Variants in RAB21 observed in about 807,000 individuals in gnomAD.
RAB21 encodes RAB21, member RAS oncogene family.
In RAB21, 13 loss-of-function variants were observed where a neutral mutation model predicts 33.1. That is an observed-to-expected ratio of 0.39 (90% CI 0.26 to 0.62). The LOEUF (loss-of-function observed/expected upper bound fraction) is 0.62, where lower values mean the gene tolerates loss of function less well. Ranked by LOEUF, RAB21 falls within the 20% of genes least tolerant of loss-of-function variation. RAB21 has a pLI of 0.48. For missense variants in RAB21, 234 were observed against 279.1 expected (o/e 0.84, Z 1.15); for synonymous variants, 91 against 103.7 (o/e 0.88, Z 0.74).
At chr12:71,761,768 A>G (rs2137640098) in intron 1 of RAB21, among the ~76,000 whole-genome samples, 1 of 152,224 alleles carries the variant, frequency 6.6e-6, no homozygotes, top group South Asian at 2.1e-4. Context: ...AAGAAAATTT[A>G]TTTTATTTTA....
At chr12:71,785,257 T>A (rs557668185) in intron 6 of RAB21, among the ~76,000 whole-genome samples, 24 of 152,314 alleles carry the variant, frequency 1.6e-4, no homozygotes, top group Admixed American at 1.6e-3. Context: ...ACGCAGGCAA[T>A]TGTTCAGAGC....
chr12:71,776,588 T>C (rs1237202221), intron 4 of RAB21, among the ~76,000 whole-genome samples: 1 of 152,056 alleles, frequency 6.6e-6, no homozygotes, highest in Non-Finnish European at 1.5e-5. Flanking sequence ...GTGTGAAGTA[T>C]AGAAAGCTCT....
chr12:71,775,220 C>G (rs1001355429), intron 4 of RAB21, among the ~76,000 whole-genome samples: 3 of 152,204 alleles, frequency 2.0e-5, no homozygotes, highest in Non-Finnish European at 2.9e-5. Flanking sequence ...TGTGTACTCA[C>G]AGACATTATC....
intron 6 of RAB21, among the ~76,000 whole-genome samples, chr12:71,782,864 G>A (rs1229579380): frequency 2.6e-5 from 4 of 151,694 alleles, no homozygotes; most frequent in Non-Finnish European, 5.9e-5. Flanking sequence ...GTAATTAATG[G>A]TTATGAAATC....
At chr12:71,777,373 G>T (rs1340047854) in intron 4 of RAB21, among the ~76,000 whole-genome samples, 1 of 151,934 alleles carries the variant, frequency 6.6e-6, no homozygotes, top group East Asian at 1.9e-4. Flanking sequence ...GTATATAGTT[G>T]TTCATTTTAT....
intron 4 of RAB21, among the ~76,000 whole-genome samples, chr12:71,776,491 G>A (rs1006227332): frequency 5.3e-5 from 8 of 152,000 alleles, no homozygotes; most frequent in South Asian, 2.1e-4. Context: ...ATTATAAGAC[G>A]TTTTAGGAAT....
intron 1 of RAB21, among the ~76,000 whole-genome samples, chr12:71,766,689 G>A (rs993040878): frequency 6.6e-6 from 1 of 152,076 alleles, no homozygotes; most frequent in Non-Finnish European, 1.5e-5. Context: ...AAATTTGTGT[G>A]CATTGCGTGC....
In RAB21 at chr12:71,792,867, C is replaced by G. The variant is rs1274822697; in HGVS notation, c.*7194C>G. On this transcript the variant is annotated 3_prime_UTR_variant, in exon 7 of 7. Coordinates refer to ENST00000261263, the MANE Select transcript of RAB21 (RefSeq NM_014999.4). ...ATAAGGTCACCTGTGCACACATGTT[C>G]ACATTCTGTGTTTGATCAGATATGT... 5 of 152,162 alleles carry G rather than the reference C, an allele frequency of 3.3e-5. No individual in the cohort carries two copies. The highest frequency in any genetic ancestry group is 1.3e-4 in the Admixed American group (2 of 15,272). 9.4% of individuals were successfully genotyped at this position (152,162 alleles called of 1,614,324 possible).
At chr12:71,770,928 ATAAT>A (rs1401487691) in intron 3 of RAB21, among the ~76,000 whole-genome samples, 4 of 152,222 alleles carry the variant, frequency 2.6e-5, no homozygotes, top group Admixed American at 1.3e-4. Flanking sequence ...TTACGTTAGA[ATAAT>A]TAATGCCTTA....
rs1592656272 is a variant in RAB21, at chr12:71,798,503, T to C, written c.*12830T>C. Reference sequence around the variant, plus strand: ...AAATATTTTCAAATCATATCATGCATTGCTTAATTTATAAAGAACACCTAG... The same window carrying C: ...AAATATTTTCAAATCATATCATGCACTGCTTAATTTATAAAGAACACCTAG... On this transcript the variant is annotated 3_prime_UTR_variant, in exon 7 of 7. Coordinates refer to ENST00000261263, the MANE Select transcript of RAB21 (RefSeq NM_014999.4). The C allele has an allele frequency of 6.6e-6, 1 of 152,228 alleles. No individual in the cohort carries two copies. The highest frequency in any genetic ancestry group is 1.9e-4 in the East Asian group (1 of 5,188). The allele number at this position is 152,228 out of a possible 1,614,324, so 9.4% of individuals were successfully genotyped here.
At chr12:71,764,642 A>G (rs946515879) in intron 1 of RAB21, among the ~76,000 whole-genome samples, 13 of 152,206 alleles carry the variant, frequency 8.5e-5, no homozygotes, top group African/African-American at 3.1e-4. Context: ...AAATTCCATT[A>G]TATCATTTCT....
intron 1 of RAB21, among the ~76,000 whole-genome samples, chr12:71,767,985 T>C (rs527297956): frequency 4.9e-4 from 74 of 152,308 alleles, no homozygotes; most frequent in Non-Finnish European, 9.0e-4. Context: ...TGCTCCAAAG[T>C]TCATATTCTT....
rs1883461918 is a variant in RAB21, at chr12:71,796,087, G to A, written c.*10414G>A. 1 of 137,322 alleles carries A rather than the reference G, an allele frequency of 7.3e-6. No homozygotes were observed. Among genetic ancestry groups the A allele is most frequent in the Admixed American group, 7.5e-5 (1 of 13,364 alleles). The allele number at this position is 137,322 out of a possible 1,614,324, so 8.5% of individuals were successfully genotyped here. A position where few individuals can be genotyped will look rare whatever the true frequency, so the allele number is the denominator to read the frequency against. The stretch of plus-strand genomic sequence containing the variant: ...GCAAATGCCTGATGGGGCACTCTGA[G>A]AATTAAACAGGAAATGGACAGGAAA... On this transcript the variant is annotated 3_prime_UTR_variant, in exon 7 of 7. Coordinates refer to ENST00000261263, the MANE Select transcript of RAB21 (RefSeq NM_014999.4).
At position 71,774,013 on chromosome 12, in the gene RAB21, T is replaced by G; in HGVS notation, c.382T>G (p.Cys128Gly). The G allele has an allele frequency of 1.3e-6, 2 of 1,585,262 alleles. No individual in the cohort carries two copies. The highest frequency in any genetic ancestry group is 1.7e-6 in the Non-Finnish European group (2 of 1,165,756). ...RKMLGNEICL[C>G]IVGNKIDLEK... ...AATGTTGGGAAATGAAATCTGTTTATGTATAGTTGGTAAGCATCATTACTT... is the reference window on the plus strand; with the variant it reads ...AATGTTGGGAAATGAAATCTGTTTAGGTATAGTTGGTAAGCATCATTACTT... The change falls in exon 4 of 7, where the codon TGT (cysteine) becomes GGT (glycine). Residue 128 changes from cysteine (C) to glycine (G), a missense_variant. Cys to Gly is a radical substitution (Grantham distance 159). Coordinates refer to ENST00000261263, the MANE Select transcript of RAB21 (RefSeq NM_014999.4).
Position 71,790,178 on chromosome 12 carries a change from ATCTT to A in RAB21, c.*4511_*4514del, listed in dbSNP as rs1160329393. 7.2e-5 allele frequency: 11 copies of A among 152,192 alleles called. No homozygotes were observed. The highest frequency in any genetic ancestry group is 7.2e-4 in the Admixed American group (11 of 15,278). The allele number at this position is 152,192 out of a possible 1,614,324, so 9.4% of individuals were successfully genotyped here. ...CAGTTAGGTCTCTTATTCTTAAAGC[ATCTT>A]TCTTTAGAAGTCTGCACATATTTTC... On this transcript the variant is annotated 3_prime_UTR_variant, in exon 7 of 7. Transcript: ENST00000261263.
chr12:71,759,948 T>C (rs1565883689), intron 1 of RAB21, among the ~76,000 whole-genome samples: 1 of 152,350 alleles, frequency 6.6e-6, no homozygotes, highest in East Asian at 1.9e-4. Context: ...TTTATGTGGA[T>C]TATTACATAG....
rs181822483 is a variant in RAB21, at chr12:71,788,237, G to T, written c.*2564G>T. ...TCATCCTACTTTAATGAAACAGCTA[G>T]ATAGGAACCTCTGCTCCAGAATTGC... On this transcript the variant is annotated 3_prime_UTR_variant, in exon 7 of 7. Coordinates refer to ENST00000261263, the MANE Select transcript of RAB21 (RefSeq NM_014999.4). The T allele has an allele frequency of 5.3e-5, 8 of 152,326 alleles. No individual in the cohort carries two copies. The highest frequency in any genetic ancestry group is 1.9e-4 in the African/African-American group (8 of 41,574). The allele number at this position is 152,326 out of a possible 1,614,324, so 9.4% of individuals were successfully genotyped here. A position where few individuals can be genotyped will look rare whatever the true frequency, so the allele number is the denominator to read the frequency against.
intron 4 of RAB21, among the ~76,000 whole-genome samples, chr12:71,776,910 C>T (rs117406327): frequency 6.6e-6 from 1 of 152,148 alleles, no homozygotes; most frequent in Non-Finnish European, 1.5e-5. Flanking sequence ...TGAGTGGCTT[C>T]TTTGTACCAG....
At chr12:71,757,939 T>C (rs1022518185) in intron 1 of RAB21, among the ~76,000 whole-genome samples, 16 of 145,398 alleles carry the variant, frequency 1.1e-4, no homozygotes, top group Non-Finnish European at 1.8e-4. Context: ...ATTGTCCCCC[T>C]TTTTTTTTTT....
Sources: gnomAD v4.1 joint callset for allele counts (sites outside exome capture counted in the v4.1 genomes callset) on GRCh38, gnomAD v4.1.1 for gene constraint, MANE v1.5 for transcripts, NCBI Gene and HGNC (gene_info 2026-07-23, HGNC 2026-07-21) for gene names.